Variants in SORCS3 observed in about 807,000 individuals in gnomAD.
SORCS3 encodes sortilin related VPS10 domain containing receptor 3.
Under a neutral mutation model 146.3 loss-of-function variants are expected in SORCS3, and 57 were observed. The ratio of observed to expected loss-of-function variants is 0.39; its 90% CI spans 0.31 to 0.49. The LOEUF (loss-of-function observed/expected upper bound fraction) is 0.49. SORCS3 is among the 20% of genes least tolerant of loss of function. The pLI, the probability that SORCS3 is intolerant of heterozygous loss-of-function variation, is 0.92. For synonymous variants in SORCS3, 653 were observed against 618.5 expected, an observed-to-expected ratio of 1.06 and a Z score of -0.83; for missense variants, 1,341 against 1,575.5, an observed-to-expected ratio of 0.85 and a Z score of 2.52.
intron 1 of SORCS3, among the ~76,000 whole-genome samples, chr10:104,842,276 C>G (rs190209348): frequency 1.8e-3 from 272 of 152,326 alleles, no homozygotes; most frequent in Middle Eastern, 0.01. Flanking sequence ...GTAGGCCTGT[C>G]TGCATTCAGG....
chr10:105,242,286 TTATA>T (rs978008157), intron 20 of SORCS3, among the ~76,000 whole-genome samples: 2 of 136,686 alleles, frequency 1.5e-5, no homozygotes, highest in East Asian at 2.1e-4. Context: ...ATACATATGT[TTATA>T]TATATATTTA....
At chr10:104,778,820 A>G (rs979726083) in intron 1 of SORCS3, among the ~76,000 whole-genome samples, 3 of 152,162 alleles carry the variant, frequency 2.0e-5, no homozygotes, top group Admixed American at 6.5e-5. Flanking sequence ...TACTGGCCTT[A>G]CAGATGTGGA....
rs949431583 is a variant in SORCS3 at position 104,641,857 on chromosome 10, C to G, written c.530C>G (p.Ala177Gly). The G allele has an allele frequency of 1.3e-6, 2 of 1,574,882 alleles. No individual in the cohort carries two copies. The highest frequency in any genetic ancestry group is 8.6e-7 in the Non-Finnish European group (1 of 1,164,080). ...AAGGCGCCGCGGGCTGGGGGGTCGG[C>G]GGCTGAAGACCTCCGGCTGCCCAGC... ...EVKAPRAGGS[A>G]AEDLRLPSTS... Residue 177 changes from alanine (A) to glycine (G), a missense_variant, in exon 1 of 27, where the codon GCG (alanine) becomes GGG (glycine). Coordinates refer to ENST00000369701, the MANE Select transcript of SORCS3 (RefSeq NM_014978.3). This position sits in a 1 kb window ranked among gnomAD's most constrained non-coding sequence, Gnocchi z 6.4.
intron 1 of SORCS3, among the ~76,000 whole-genome samples, chr10:104,737,741 T>C (rs2016791973): frequency 6.6e-6 from 1 of 151,898 alleles, no homozygotes; most frequent in Non-Finnish European, 1.5e-5. Flanking sequence ...TTCACTCTGA[T>C]GGTAGTTTCT....
intron 7 of SORCS3, among the ~76,000 whole-genome samples, chr10:105,131,489 C>T (rs190101453): frequency 7.2e-5 from 11 of 152,292 alleles, no homozygotes; most frequent in African/African-American, 2.6e-4. Flanking sequence ...CCCATAGCAA[C>T]ACCAAGCACT....
intron 4 of SORCS3, among the ~76,000 whole-genome samples, chr10:104,981,803 A>AC (rs1564727969): frequency 6.6e-6 from 1 of 151,866 alleles, no homozygotes; most frequent in Admixed American, 6.6e-5. Flanking sequence ...GAAAATAGCT[A>AC]TTTTTTTTCT....
At chr10:104,784,236 G>GGGGACACCAGA (rs1333763666) in intron 1 of SORCS3, among the ~76,000 whole-genome samples, 9 of 152,160 alleles carry the variant, frequency 5.9e-5, no homozygotes, top group African/African-American at 1.7e-4. Flanking sequence ...GGGACTTTTG[G>GGGGACACCAGA]CAAAGTCTGG....
intron 13 of SORCS3, among the ~76,000 whole-genome samples, chr10:105,172,899 G>T (rs2056371538): frequency 6.6e-6 from 1 of 151,914 alleles, no homozygotes; most frequent in Admixed American, 6.5e-5. Flanking sequence ...AATGACTCCA[G>T]TTTCTTTCCA....
At chr10:104,753,840 C>A (rs752491948) in intron 1 of SORCS3, among the ~76,000 whole-genome samples, 2 of 152,210 alleles carry the variant, frequency 1.3e-5, no homozygotes, top group Non-Finnish European at 2.9e-5. Flanking sequence ...AAGTCCAAGG[C>A]TGACCTATAG....
chr10:105,203,646 G>A lies in SORCS3; in HGVS notation c.2261+2393G>A, dbSNP rs189809771. Among the ~76,000 whole-genome samples, 47 of 152,244 alleles carry A rather than the reference G, an allele frequency of 3.1e-4. No individual in the cohort carries two copies. The East Asian group carries it at 3.9e-3, about 13-fold the overall frequency. ...TGGTCTGGGCAAAAATTCTAGCACT[G>A]ATAGTCACAGTTTTTGACCTTGGCA... On this transcript the variant is annotated intron_variant, in intron 16 of 26. Coordinates refer to ENST00000369701, the MANE Select transcript of SORCS3 (RefSeq NM_014978.3).
At chr10:104,940,238 A>ATATATATATATATATATATATT (rs1435205868) in intron 3 of SORCS3, among the ~76,000 whole-genome samples, 9 of 31,498 alleles carry the variant, frequency 2.9e-4, no homozygotes, top group Non-Finnish European at 4.3e-4. Context: ...ATATATATAT[A>ATATATATATATATATATATATT]TTTTTTTTTT....
intron 8 of SORCS3, among the ~76,000 whole-genome samples, chr10:105,147,324 C>G (rs1205785897): frequency 6.6e-6 from 1 of 152,112 alleles, no homozygotes; most frequent in Non-Finnish European, 1.5e-5. Context: ...TCTGTTGGCA[C>G]TAACTCTTAA....
intron 3 of SORCS3, among the ~76,000 whole-genome samples, chr10:104,927,322 T>C (rs1291614996): frequency 6.6e-6 from 1 of 152,214 alleles, no homozygotes; most frequent in Non-Finnish European, 1.5e-5. Flanking sequence ...GCCATCATAG[T>C]TGCTCAATAA....
At chr10:105,059,769 G>A (rs1482814045) in intron 5 of SORCS3, among the ~76,000 whole-genome samples, 1 of 152,154 alleles carries the variant, frequency 6.6e-6, no homozygotes, top group African/African-American at 2.4e-5. Context: ...TCATTGCACT[G>A]TAGCTGTGGC....
At chr10:104,661,672 T>TATAG (rs112598598) in intron 1 of SORCS3, among the ~76,000 whole-genome samples, 27,764 of 151,622 alleles carry the variant, frequency 0.18, 2,565 homozygotes, top group Non-Finnish European at 0.21. Context: ...GATTTGGGAA[T>TATAG]ATAGATAGAT....
intron 3 of SORCS3, among the ~76,000 whole-genome samples, chr10:104,969,338 T>TGCGC (rs1275082596): frequency 3.5e-5 from 5 of 143,362 alleles, no homozygotes; most frequent in South Asian, 4.4e-4. Flanking sequence ...TGTGTGTGTG[T>TGCGC]GTGCGCGCGC....
At chr10:104,748,954 A>C (rs1280633954) in intron 1 of SORCS3, among the ~76,000 whole-genome samples, 1 of 152,200 alleles carries the variant, frequency 6.6e-6, no homozygotes, top group Non-Finnish European at 1.5e-5. Context: ...CAGTTTTCCC[A>C]GCTGTGGTCA....
chr10:105,201,211 T>C lies in SORCS3; in HGVS notation c.2219T>C (p.Val740Ala), dbSNP rs1485909252. ...CALGRDHSGSVVSEPCVCANW... is the reference protein window; with the variant it reads ...CALGRDHSGSAVSEPCVCANW... The stretch of plus-strand genomic sequence containing the variant: ...CTGGGCCGAGACCACTCAGGATCAG[T>C]GGTCTCAGAACCCTGTGTCTGTGCC... Residue 740 changes from valine to alanine, a missense_variant, in exon 16 of 27, where the codon GTG becomes GCG. By Grantham distance (64) the Val-to-Ala change is moderately conservative. Transcript: ENST00000369701. The C allele has an allele frequency of 6.2e-7, 1 of 1,611,520 alleles. No individual in the cohort carries two copies. The highest frequency in any genetic ancestry group is 1.3e-5 in the African/African-American group (1 of 74,954).
chr10:104,669,714 C>T (rs1389539433), intron 1 of SORCS3, among the ~76,000 whole-genome samples: 2 of 152,148 alleles, frequency 1.3e-5, no homozygotes, highest in East Asian at 3.9e-4. Flanking sequence ...TATGGTATAC[C>T]AGTATCTCTT....
Sources: allele counts gnomAD v4.1 joint callset (sites outside exome capture counted in the v4.1 genomes callset), GRCh38; gene constraint gnomAD v4.1.1; non-coding constraint Gnocchi (gnomAD v3.1); transcripts MANE v1.5; gene names NCBI Gene and HGNC (gene_info 2026-07-23, HGNC 2026-07-21).